Variants in OPCML observed in about 807,000 individuals in gnomAD.
OPCML encodes the protein opioid binding protein/cell adhesion molecule like, also known as opioid-binding protein/cell adhesion molecule.
OPCML carries 13 observed loss-of-function variants against 37.8 expected under a neutral mutation model. The observed-to-expected ratio is 0.34, with a 90% CI of 0.22 to 0.55. The LOEUF (loss-of-function observed/expected upper bound fraction) is 0.55, where lower values mean the gene tolerates loss of function less well. Among genes scored for constraint, OPCML ranks in the 20% least tolerant of loss-of-function variants. The probability of loss-of-function intolerance (pLI) is 0.91; values close to 1 mark genes in which losing one functional copy is unlikely to be tolerated. For missense variants in OPCML, 341 were observed against 435.6 expected, an observed-to-expected ratio of 0.78 and a Z score of 1.93; for synonymous variants, 176 against 168.8, an observed-to-expected ratio of 1.04 and a Z score of -0.33.
intron 1 of OPCML, among the ~76,000 whole-genome samples, chr11:133,447,745 C>A (rs1348772240): frequency 6.6e-6 from 1 of 152,138 alleles, no homozygotes; most frequent in Non-Finnish European, 1.5e-5. Flanking sequence ...AGTATATATA[C>A]CACATTTTAT....
chr11:132,966,336 AT>A (rs1946213995), intron 1 of OPCML, among the ~76,000 whole-genome samples: 2 of 151,732 alleles, frequency 1.3e-5, no homozygotes, highest in African/African-American at 4.8e-5. Context: ...AAATTTCTCA[AT>A]TTTTTGTTAT....
At chr11:133,352,332 C>T (rs1944159660) in intron 1 of OPCML, among the ~76,000 whole-genome samples, 1 of 152,176 alleles carries the variant, frequency 6.6e-6, no homozygotes, top group African/African-American at 2.4e-5. Context: ...GCAGTGCTTG[C>T]TGCCATCCTT....
intron 2 of OPCML, among the ~76,000 whole-genome samples, chr11:132,672,651 A>G (rs1305095499): frequency 6.6e-6 from 1 of 152,202 alleles, no homozygotes; most frequent in East Asian, 1.9e-4. Flanking sequence ...GTCTGCAGCC[A>G]TCATCAGGAG....
chr11:132,923,913 G>T (rs969008340), intron 2 of OPCML, among the ~76,000 whole-genome samples: 22 of 151,792 alleles, frequency 1.4e-4, no homozygotes, highest in Admixed American at 3.9e-4. Context: ...ACAGGCTTGT[G>T]TCACTACGCC....
At position 132,941,016 on chromosome 11, in the gene OPCML, TA is replaced by T. The variant is rs1380136823; in HGVS notation, c.146+1909del. ...AATCAACATGATACATGTGCTTACT[TA>T]AAAAAAAAAAATTACGCCATGCAAT... On this transcript the variant is annotated intron_variant, in intron 2 of 7. Transcript: ENST00000524381. Among the ~76,000 whole-genome samples, 1,099 of 146,790 alleles carry T rather than the reference TA, an allele frequency of 7.5e-3. 8 individuals carry two copies. The highest frequency in any genetic ancestry group is 0.021 in the African/African-American group (844 of 40,554).
chr11:133,400,697 A>G (rs1329385159), intron 1 of OPCML, among the ~76,000 whole-genome samples: 4 of 152,230 alleles, frequency 2.6e-5, no homozygotes, highest in African/African-American at 9.6e-5. Context: ...TTCTCAAGCC[A>G]AACAATCCAG....
In OPCML at chr11:133,291,119, C is replaced by T. The variant is rs561088564; in HGVS notation, c.61+241145G>A. Among the ~76,000 whole-genome samples the T allele has an allele frequency of 3.9e-5, 6 of 152,348 alleles. No homozygotes were observed. The South Asian group carries it at 1.2e-3, about 32-fold the overall frequency. On this transcript the variant is annotated intron_variant, in intron 1 of 7. Coordinates refer to ENST00000524381, the MANE Select transcript of OPCML (RefSeq NM_001012393.5). ...TATTCGTGCCACGCACAGCTCAATG[C>T]CCAAGGCTGTGTCATAAGACAAAAA...
At chr11:132,501,173 C>T (rs2096244717) in intron 4 of OPCML, among the ~76,000 whole-genome samples, 2 of 152,196 alleles carry the variant, frequency 1.3e-5, no homozygotes, top group Middle Eastern at 6.8e-3. Flanking sequence ...AACTGGCTAC[C>T]CATATGCAGA....
chr11:132,440,115 G>T (rs2096027490), intron 4 of OPCML, among the ~76,000 whole-genome samples: 1 of 152,116 alleles, frequency 6.6e-6, no homozygotes, highest in African/African-American at 2.4e-5. Flanking sequence ...CAGATGACAT[G>T]GCAACTTCTG....
At chr11:133,009,820 C>T (rs1424685285) in intron 1 of OPCML, among the ~76,000 whole-genome samples, 2 of 152,202 alleles carry the variant, frequency 1.3e-5, no homozygotes, top group African/African-American at 4.8e-5. Flanking sequence ...GGCCACTCAC[C>T]TTCTGCTGTG....
chr11:132,440,290 A>G (rs1229108286), intron 4 of OPCML, among the ~76,000 whole-genome samples: 1 of 152,200 alleles, frequency 6.6e-6, no homozygotes, highest in Non-Finnish European at 1.5e-5. Context: ...TCAAGTTTGT[A>G]CAATGTGCTT....
chr11:133,437,678 A>C (rs1591499037), intron 1 of OPCML, among the ~76,000 whole-genome samples: 1 of 110,770 alleles, frequency 9.0e-6, no homozygotes, highest in Non-Finnish European at 1.9e-5. Context: ...AACCCCGCTC[A>C]CCTCTCCCCT....
intron 2 of OPCML, among the ~76,000 whole-genome samples, chr11:132,911,243 T>C (rs757949326): frequency 6.6e-6 from 1 of 152,244 alleles, no homozygotes; most frequent in African/African-American, 2.4e-5. Flanking sequence ...AGAATTTTGA[T>C]ATCTCAACAG....
chr11:133,290,017 C>T lies in OPCML; in HGVS notation c.61+242247G>A, dbSNP rs116189193. Among the ~76,000 whole-genome samples the T allele has an allele frequency of 4.9e-3, 742 of 152,294 alleles. 8 individuals carry two copies. Among genetic ancestry groups the T allele is most frequent in the African/African-American group, 0.017 (710 of 41,552 alleles). ...GGCAAATCACAGAGAACCCTTTTCC[C>T]AGTGGAAAAAGCTCCAGATCTTTTC... On this transcript the variant is annotated intron_variant, in intron 1 of 7. Coordinates refer to ENST00000524381, the MANE Select transcript of OPCML (RefSeq NM_001012393.5).
chr11:132,609,809 C>T lies in OPCML; in HGVS notation c.379+47278G>A, dbSNP rs977141906. On this transcript the variant is annotated intron_variant, in intron 3 of 7. Transcript: ENST00000524381. ...TACATTTCACCTACCTACCTCTCTT[C>T]AATGCCTGGGAACTGTCTGATCGAT... is the stretch of plus-strand genomic sequence containing the variant. Among the ~76,000 whole-genome samples, 3 of 152,244 alleles carry T rather than the reference C, an allele frequency of 2.0e-5. 1 individual carries two copies. The South Asian group carries it at 6.2e-4, about 31-fold the overall frequency.
intron 2 of OPCML, among the ~76,000 whole-genome samples, chr11:132,777,961 C>A (rs1158194801): frequency 6.6e-6 from 1 of 152,304 alleles, no homozygotes; most frequent in Non-Finnish European, 1.5e-5. Flanking sequence ...TTCCTCATCT[C>A]TGGATCGGCA....
At chr11:133,254,775 T>G (rs957412165) in intron 1 of OPCML, among the ~76,000 whole-genome samples, 2 of 151,942 alleles carry the variant, frequency 1.3e-5, no homozygotes, top group Admixed American at 1.3e-4. Context: ...TGCAGGGGAG[T>G]GCACTGGAGA....
chr11:132,778,893 T>G (rs146937123), intron 2 of OPCML, among the ~76,000 whole-genome samples: 2 of 151,802 alleles, frequency 1.3e-5, no homozygotes, highest in African/African-American at 4.8e-5. Context: ...GAATTTTAAC[T>G]GAATATTCCT....
intron 3 of OPCML, among the ~76,000 whole-genome samples, chr11:132,579,685 G>T (rs1361846324): frequency 6.6e-6 from 1 of 152,048 alleles, no homozygotes; most frequent in Non-Finnish European, 1.5e-5. Context: ...CAGTACAGTG[G>T]CACATGGGGA....
Sources: allele counts gnomAD v4.1 joint callset (sites outside exome capture counted in the v4.1 genomes callset), GRCh38; gene constraint gnomAD v4.1.1; transcripts MANE v1.5; gene names NCBI Gene and HGNC (gene_info 2026-07-23, HGNC 2026-07-21).